GPRC5B: variants seen among roughly 807,000 people sequenced by gnomAD.
GPRC5B encodes the protein G protein-coupled receptor family C group 5 member B.
Under a neutral mutation model 30.1 loss-of-function variants are expected in GPRC5B, and 16 were observed. The observed-to-expected ratio is 0.53, with a 90% confidence interval of 0.36 to 0.81. The LOEUF is 0.81. Ranked by LOEUF, GPRC5B falls within the 30% of genes least tolerant of loss-of-function variation. The probability of loss-of-function intolerance (pLI) is 0.01; values close to 1 mark genes in which losing one functional copy is unlikely to be tolerated. For missense variants in GPRC5B, 428 were observed against 544.7 expected (o/e 0.79, Z 2.13); for synonymous variants, 241 against 239.5 (o/e 1.01, Z -0.06).
In GPRC5B at chr16:19,857,805, C is replaced by T. The variant is rs1454627497; in HGVS notation, c.*2695G>A. ...GCTTCCAACAACCAGATCTTCAACTCTGGAATCCCTGGAGATGCACAGAAC... is the reference window on the plus strand; with the variant it reads ...GCTTCCAACAACCAGATCTTCAACTTTGGAATCCCTGGAGATGCACAGAAC... On this transcript the variant is annotated 3_prime_UTR_variant, in exon 4 of 4. Transcript: ENST00000300571. 1.3e-5 allele frequency: 2 copies of T among 154,240 alleles called. No individual in the cohort carries two copies. The highest frequency in any genetic ancestry group is 2.8e-5 in the Non-Finnish European group (2 of 70,888). The allele number at this position is 154,240 out of a possible 1,614,324, so 9.6% of individuals were successfully genotyped here.
chr16:19,862,242 T>C, intron 2 of GPRC5B: 1 of 418,196 alleles, frequency 2.4e-6, no homozygotes, highest in South Asian at 3.2e-5. Context: ...TGGTTCCCCC[T>C]CCAAGCCACG....
chr16:19,856,805 G>A lies in GPRC5B; in HGVS notation c.*3695C>T, dbSNP rs1377076564. 8 of 446,162 alleles carry A rather than the reference G, an allele frequency of 1.8e-5. No homozygotes were observed. The highest frequency in any genetic ancestry group is 3.2e-5 in the Non-Finnish European group (8 of 250,096). The allele number at this position is 446,162 out of a possible 1,614,324, so 27.6% of individuals were successfully genotyped here. Reference sequence around the variant, plus strand: ...TCCAGATTACTTCTTCAGTGCCTCAGGAGTATTCTTCTACACCAGCTGCTG... The same window carrying A: ...TCCAGATTACTTCTTCAGTGCCTCAAGAGTATTCTTCTACACCAGCTGCTG... On this transcript the variant is annotated 3_prime_UTR_variant, in exon 4 of 4. Coordinates refer to ENST00000300571, the MANE Select transcript of GPRC5B (RefSeq NM_016235.3).
At chr16:19,860,683 C>T (rs746575819) in intron 3 of GPRC5B, 139 bp from the exon 4 acceptor site, 10 of 593,834 alleles carry the variant, frequency 1.7e-5, no homozygotes, top group Non-Finnish European at 2.4e-5. Flanking sequence ...CCAGGAGAGG[C>T]AGCAATGACT....
At chr16:19,862,584 C>A (rs909023747) in intron 2 of GPRC5B, among the ~76,000 whole-genome samples, 3 of 151,986 alleles carry the variant, frequency 2.0e-5, no homozygotes, top group Admixed American at 1.3e-4. Flanking sequence ...GAAAAGCTAA[C>A]ATGAAAAGAC....
chr16:19,869,693 T>C (rs1306156853), intron 2 of GPRC5B, among the ~76,000 whole-genome samples: 1 of 152,078 alleles, frequency 6.6e-6, no homozygotes, highest in Non-Finnish European at 1.5e-5. Context: ...ATAACATCCA[T>C]CTCAAGCGCT....
Position 19,859,708 on chromosome 16 carries a change from G to A in GPRC5B, c.*792C>T, listed in dbSNP as rs1300969243. 1.3e-5 allele frequency: 2 copies of A among 152,658 alleles called. No homozygotes were observed. The highest frequency in any genetic ancestry group is 1.3e-4 in the Admixed American group (2 of 15,282). The allele number at this position is 152,658 out of a possible 1,614,324, so 9.5% of individuals were successfully genotyped here. ...TGTAGGAACAGGGCGAGATGATCAA[G>A]GGAAGAAGGGACTGCTGCCCCAAGC... is the stretch of plus-strand genomic sequence containing the variant. On this transcript the variant is annotated 3_prime_UTR_variant, in exon 4 of 4. Transcript: ENST00000300571.
rs533724408 is a variant in GPRC5B at position 19,863,752 on chromosome 16, C to T, written c.1031-1779G>A. 1.2e-4 allele frequency among the ~76,000 whole-genome samples: 19 copies of T among 152,112 alleles called. 1 individual carries two copies. Among genetic ancestry groups the T allele is most frequent in the African/African-American group, 4.6e-4 (19 of 41,506 alleles). Reference sequence around the variant, plus strand: ...TCCTGACCAAGTGATCCACCCACCTCGGCCTCCCAAAGTGCTGGGATTACA... The same window carrying T: ...TCCTGACCAAGTGATCCACCCACCTTGGCCTCCCAAAGTGCTGGGATTACA... On this transcript the variant is annotated intron_variant, in intron 2 of 3. Coordinates refer to ENST00000300571, the MANE Select transcript of GPRC5B (RefSeq NM_016235.3).
Position 19,872,878 on chromosome 16 carries a change from G to A in GPRC5B, c.-1-32C>T, listed in dbSNP as rs757283954. ...AAGCCAAGAGGGGAATGGTTGGGGGGAAGGAAAGATGAATTCATTGGAAGA... is the reference window on the plus strand; with the variant it reads ...AAGCCAAGAGGGGAATGGTTGGGGGAAAGGAAAGATGAATTCATTGGAAGA... On this transcript the variant is annotated intron_variant, in intron 1 of 3. Transcript: ENST00000300571. The surrounding 1 kb of genome is among the most constrained non-coding windows in gnomAD (Gnocchi z 5.0). 6.6e-7 allele frequency: 1 copy of A among 1,523,916 alleles called. No individual in the cohort carries two copies. 94.4% of individuals were successfully genotyped at this position (1,523,916 alleles called of 1,614,324 possible).
chr16:19,878,200 A>AAAAC (rs147229390), intron 1 of GPRC5B, among the ~76,000 whole-genome samples: 67,899 of 132,376 alleles, frequency 0.51, 16,230 homozygotes, highest in African/African-American at 0.61. Flanking sequence ...CTCCGTCTTA[A>AAAAC]AAACAAACAA....
chr16:19,876,130 G>A (rs1567211196), intron 1 of GPRC5B, among the ~76,000 whole-genome samples: 1 of 152,222 alleles, frequency 6.6e-6, no homozygotes. Flanking sequence ...TGACAGGCAG[G>A]AATGTGCTTT....
In GPRC5B at chr16:19,861,834, T is replaced by TA. The variant is rs1465928539; in HGVS notation, c.1167+2dup. Reference sequence around the variant, plus strand: ...TACCCCCACATCACATCTTGATACTTACGGTCCCACCGTTGAGCACGACGG... The same window carrying TA: ...TACCCCCACATCACATCTTGATACTTAACGGTCCCACCGTTGAGCACGACGG... On this transcript the variant is annotated splice_region_variant and intron_variant, in intron 3 of 3. Transcript: ENST00000300571. 8 of 1,612,790 alleles carry TA rather than the reference T, an allele frequency of 5.0e-6. No individual in the cohort carries two copies. In the East Asian group the frequency reaches 1.3e-4, roughly 27 times the overall value.
At chr16:19,880,525 C>A in intron 1 of GPRC5B, among the ~76,000 whole-genome samples, 1 of 152,108 alleles carries the variant, frequency 6.6e-6, no homozygotes, top group East Asian at 1.9e-4. Flanking sequence ...TGGCTTCTAG[C>A]CTCCCCCATC....
At chr16:19,883,471 G>A (rs951829748) in intron 1 of GPRC5B, among the ~76,000 whole-genome samples, 4 of 152,246 alleles carry the variant, frequency 2.6e-5, no homozygotes, top group African/African-American at 9.6e-5. Context: ...CTCAAAGCCT[G>A]GATCCTCCGC....
intron 1 of GPRC5B, among the ~76,000 whole-genome samples, chr16:19,873,393 G>A (rs2056738420): frequency 6.6e-6 from 1 of 151,648 alleles, no homozygotes; most frequent in Non-Finnish European, 1.5e-5. Flanking sequence ...GAACCTGGGA[G>A]GCGAAGGTTG....
upstream of GPRC5B, chr16:19,885,461 C>T (rs2056842798): frequency 8.8e-7 from 1 of 1,134,898 alleles, no homozygotes; most frequent in Non-Finnish European, 1.1e-6. This position sits in a 1 kb window ranked among gnomAD's most constrained non-coding sequence, Gnocchi z 5.3. Context: ...TGCCCAACTC[C>T]CAGATGTCGT....
At position 19,860,267 on chromosome 16, in the gene GPRC5B, G is replaced by T; in HGVS notation, c.*233C>A. On this transcript the variant is annotated 3_prime_UTR_variant, in exon 4 of 4. Coordinates refer to ENST00000300571, the MANE Select transcript of GPRC5B (RefSeq NM_016235.3). The stretch of plus-strand genomic sequence containing the variant: ...GCTTTAGTTTGCGGGGATTGAGGTT[G>T]GTCTGGTATTACGTGTCTGTGTGTG... 1.9e-6 allele frequency: 1 copy of T among 522,804 alleles called. No individual in the cohort carries two copies. Among genetic ancestry groups the T allele is most frequent in the Non-Finnish European group, 3.4e-6 (1 of 291,940 alleles). 32.4% of individuals were successfully genotyped at this position (522,804 alleles called of 1,614,324 possible).
rs2056731404 is a variant in GPRC5B at position 19,872,625 on chromosome 16, A to G, written c.221T>C (p.Met74Thr). The G allele has an allele frequency of 1.2e-6, 2 of 1,613,978 alleles. No homozygotes were observed. Among genetic ancestry groups the G allele is most frequent in the South Asian group, 1.1e-5 (1 of 91,088 alleles). The change falls in exon 2 of 4, where the codon ATG becomes ACG. Residue 74 changes from methionine (M) to threonine (T), a missense_variant. Physicochemically the swap from Met to Thr is moderately conservative, Grantham distance 81. Transcript: ENST00000300571. This position sits in a 1 kb window ranked among gnomAD's most constrained non-coding sequence, Gnocchi z 5.0. The part of the protein sequence containing the change: ...GAGALITLLL[M>T]LILLVRLPFI... Reference sequence around the variant, plus strand: ...GGGCAGCCGCACCAGGAGGATGAGCATCAGGAGCAGTGTGATCAGGGCGCC... The same window carrying G: ...GGGCAGCCGCACCAGGAGGATGAGCGTCAGGAGCAGTGTGATCAGGGCGCC...
chr16:19,873,549 C>A (rs2056739731), intron 1 of GPRC5B, among the ~76,000 whole-genome samples: 1 of 151,840 alleles, frequency 6.6e-6, no homozygotes, highest in Admixed American at 6.6e-5. Flanking sequence ...AAGTGCTGCA[C>A]TGGGAGAATG....
In GPRC5B at chr16:19,872,370, C is replaced by T; in HGVS notation, c.476G>A (p.Gly159Asp). 1 of 1,613,394 alleles carries T rather than the reference C, an allele frequency of 6.2e-7. No individual in the cohort carries two copies. Among genetic ancestry groups the T allele is most frequent in the Non-Finnish European group, 8.5e-7 (1 of 1,179,696 alleles). The stretch of plus-strand genomic sequence containing the variant: ...CAGCGCCAGGCCCACCAGCTGCCAG[C>T]CCGCGGGGCCCGTGCCATGCCGCAC... ...RLVRHGTGPAGWQLVGLALCL... is the reference protein window; with the variant it reads ...RLVRHGTGPADWQLVGLALCL... Residue 159 changes from glycine to aspartate, a missense_variant, in exon 2 of 4, where the codon GGC becomes GAC. By Grantham distance (94) the Gly-to-Asp change is moderately conservative. Coordinates refer to ENST00000300571, the MANE Select transcript of GPRC5B (RefSeq NM_016235.3). This position sits in a 1 kb window ranked among gnomAD's most constrained non-coding sequence, Gnocchi z 5.0.
Sources: gnomAD v4.1 joint callset for allele counts (sites outside exome capture counted in the v4.1 genomes callset) on GRCh38, gnomAD v4.1.1 for gene constraint, Gnocchi (gnomAD v3.1) non-coding constraint, MANE v1.5 for transcripts, NCBI Gene and HGNC (gene_info 2026-07-23, HGNC 2026-07-21) for gene names.